The following PIK3CB variants were observed in gnomAD, a reference collection of about 807,000 sequenced individuals.
The protein encoded by PIK3CB is phosphatidylinositol-4,5-bisphosphate 3-kinase catalytic subunit beta.
In PIK3CB, 39 loss-of-function variants were observed where a neutral mutation model predicts 136.8. The ratio of observed to expected loss-of-function variants is 0.29; its 90% confidence interval spans 0.22 to 0.37. The LOEUF is 0.37. Among genes scored for constraint, PIK3CB ranks in the 10% least tolerant of loss-of-function variants. PIK3CB has a pLI of 1.00. For synonymous variants in PIK3CB, 428 were observed against 436.6 expected (o/e 0.98, Z 0.25); for missense variants, 868 against 1,275.4 (o/e 0.68, Z 4.87).
chr3:138,758,329 G>A (rs1390462815), intron 3 of PIK3CB, among the ~76,000 whole-genome samples: 2 of 152,202 alleles, frequency 1.3e-5, no homozygotes, highest in Non-Finnish European at 2.9e-5. Flanking sequence ...ACTGGTGATG[G>A]TTGCACAGCA....
chr3:138,675,971 T>C (rs1246565660), intron 19 of PIK3CB, among the ~76,000 whole-genome samples: 1 of 152,088 alleles, frequency 6.6e-6, no homozygotes, highest in Non-Finnish European at 1.5e-5. Flanking sequence ...ACTATACATC[T>C]AAATGGAAAA....
chr3:138,691,300 T>C (rs1319883298), intron 14 of PIK3CB, among the ~76,000 whole-genome samples, 157 bp from the exon 15 acceptor site: 1 of 151,914 alleles, frequency 6.6e-6, no homozygotes, highest in Non-Finnish European at 1.5e-5. Context: ...TGTTACAATA[T>C]CACAAAAAAA....
At chr3:138,804,357 A>C (rs1428012440) in intron 1 of PIK3CB, among the ~76,000 whole-genome samples, 6 of 151,960 alleles carry the variant, frequency 3.9e-5, no homozygotes, top group Admixed American at 2.0e-4. Context: ...CTCCGAAAAA[A>C]TTACAAATCA....
chr3:138,766,626 C>T (rs528032809), intron 2 of PIK3CB, among the ~76,000 whole-genome samples: 2 of 152,118 alleles, frequency 1.3e-5, no homozygotes, highest in Non-Finnish European at 2.9e-5. Context: ...AAAAATCCTT[C>T]CTCACTTACA....
At chr3:138,723,855 CCT>C (rs2108612455) in intron 8 of PIK3CB, among the ~76,000 whole-genome samples, 1 of 152,048 alleles carries the variant, frequency 6.6e-6, no homozygotes, top group Non-Finnish European at 1.5e-5. Flanking sequence ...ACATTTTTGC[CCT>C]TAGATATTAG....
rs77355677 is a variant in PIK3CB at position 138,661,660 on chromosome 3, G to A, written c.2796+2246C>T. On this transcript the variant is annotated intron_variant, in intron 21 of 23. Coordinates refer to ENST00000674063, the MANE Select transcript of PIK3CB (RefSeq NM_006219.3). The stretch of plus-strand genomic sequence containing the variant: ...GACACGAGATTCCTCAATCGTACAT[G>A]GTGCATTCATGTATTATAGTGCATT... 8.6e-3 allele frequency among the ~76,000 whole-genome samples: 1,304 copies of A among 152,310 alleles called. 26 individuals carry two copies. Among genetic ancestry groups the A allele is most frequent in the African/African-American group, 0.028 (1,182 of 41,560 alleles).
chr3:138,782,123 T>C (rs2045930198), intron 2 of PIK3CB, among the ~76,000 whole-genome samples: 2 of 152,186 alleles, frequency 1.3e-5, no homozygotes, highest in African/African-American at 4.8e-5. Context: ...TTTAAACAAG[T>C]TATATTTCAA....
chr3:138,731,079 T>A (rs1448689035), intron 8 of PIK3CB, among the ~76,000 whole-genome samples: 1 of 152,140 alleles, frequency 6.6e-6, no homozygotes, highest in Non-Finnish European at 1.5e-5. Context: ...AACAAACCAT[T>A]TGACAAATCA....
At position 138,759,319 on chromosome 3, in the gene PIK3CB, G is replaced by A; in HGVS notation, c.25C>T (p.Pro9Ser). 1 of 1,608,680 alleles carries A rather than the reference G, an allele frequency of 6.2e-7. No homozygotes were observed. The highest frequency in any genetic ancestry group is 8.5e-7 in the Non-Finnish European group (1 of 1,176,032). ...ATGTCAAGGATGTCTGCCATAGCAG[G>A]AGGCATTATGAAACTGAAGCACATT... is the stretch of plus-strand genomic sequence containing the variant. MCFSFIMP[P>S]AMADILDIWA... The change falls in exon 3 of 24, where the codon CCT (proline) becomes TCT (serine). Residue 9 changes from proline to serine, a missense_variant. Coordinates refer to ENST00000674063, the MANE Select transcript of PIK3CB (RefSeq NM_006219.3).
At chr3:138,707,029 G>C in intron 11 of PIK3CB, 130 bp downstream of exon 11, 1 of 715,836 alleles carries the variant, frequency 1.4e-6, no homozygotes, top group Non-Finnish European at 2.5e-6. Context: ...CTGATCCATG[G>C]TCTTCCCACT....
chr3:138,821,463 C>A (rs571420386), intron 1 of PIK3CB, among the ~76,000 whole-genome samples: 1 of 151,834 alleles, frequency 6.6e-6, no homozygotes, highest in African/African-American at 2.4e-5. Context: ...AAATGAAGAC[C>A]TAAAACCCAG....
intron 16 of PIK3CB, 152 bp from the exon 17 acceptor site, chr3:138,684,955 G>A (rs959758006): frequency 1.9e-5 from 10 of 516,304 alleles, no homozygotes; most frequent in East Asian, 9.7e-5. Flanking sequence ...TCTGACTTAC[G>A]AAAAGCATTT....
rs2108640607 is a variant in PIK3CB at position 138,733,530 on chromosome 3, T to C, written c.973-92A>G. On this transcript the variant is annotated intron_variant, in intron 7 of 23. Transcript: ENST00000674063. ...CAATTGTCATCAGTTCTAATGTCTA[T>C]TGGCAAAACTATGAAAATAGAGCTC... The C allele has an allele frequency of 4.9e-6, 3 of 612,688 alleles. No homozygotes were observed. The South Asian group carries it at 6.4e-5, about 13-fold the overall frequency. 38.0% of individuals were successfully genotyped at this position (612,688 alleles called of 1,614,324 possible). A position where few individuals can be genotyped will look rare whatever the true frequency, so the allele number is the denominator to read the frequency against.
intron 2 of PIK3CB, among the ~76,000 whole-genome samples, chr3:138,761,176 A>G (rs936182095): frequency 3.9e-5 from 6 of 152,224 alleles, no homozygotes; most frequent in Admixed American, 6.5e-5. Context: ...GTGTCTCCTC[A>G]TGAAATGCAA....
At chr3:138,675,047 G>A (rs2043616431) in intron 19 of PIK3CB, among the ~76,000 whole-genome samples, 1 of 152,112 alleles carries the variant, frequency 6.6e-6, no homozygotes, top group Admixed American at 6.6e-5. Context: ...GACAGCACAA[G>A]ACCCTATCTC....
At chr3:138,754,996 C>G (rs1359438572) in intron 4 of PIK3CB, among the ~76,000 whole-genome samples, 1 of 152,136 alleles carries the variant, frequency 6.6e-6, no homozygotes. Context: ...TGTTATATAG[C>G]AAGAGAGACT....
intron 1 of PIK3CB, among the ~76,000 whole-genome samples, chr3:138,833,944 G>A (rs146863371): frequency 1.3e-5 from 2 of 152,276 alleles, no homozygotes; most frequent in East Asian, 1.9e-4. Context: ...AGGGACTATA[G>A]GATTCTATTT....
Position 138,808,249 on chromosome 3 carries a change from G to A in PIK3CB, c.-121-11682C>T, listed in dbSNP as rs115131316. On this transcript the variant is annotated intron_variant, in intron 1 of 23. Coordinates refer to ENST00000674063, the MANE Select transcript of PIK3CB (RefSeq NM_006219.3). The stretch of plus-strand genomic sequence containing the variant: ...CATGTCCCATCCAAGAAATTAAAGG[G>A]GGAAAATATATTACTTATTGACAAC... Among the ~76,000 whole-genome samples, 837 of 152,102 alleles carry A rather than the reference G, an allele frequency of 5.5e-3. 4 individuals carry two copies. The highest frequency in any genetic ancestry group is 0.016 in the African/African-American group (648 of 41,490).
chr3:138,674,782 G>A (rs2043609614), intron 19 of PIK3CB, among the ~76,000 whole-genome samples: 2 of 152,134 alleles, frequency 1.3e-5, no homozygotes, highest in African/African-American at 4.8e-5. Context: ...AAGGTTGGGG[G>A]CGGTGGCTCA....
Sources: allele counts gnomAD v4.1 joint callset (sites outside exome capture counted in the v4.1 genomes callset), GRCh38; gene constraint gnomAD v4.1.1; transcripts MANE v1.5; gene names NCBI Gene and HGNC (gene_info 2026-07-23, HGNC 2026-07-21).